Variants in USH2A observed in about 807,000 individuals in gnomAD.
USH2A encodes the protein usherin, also known as Usher syndrome 2A (autosomal recessive, mild).
Under a neutral mutation model 538.9 loss-of-function variants are expected in USH2A, and 443 were observed. The observed-to-expected ratio is 0.82, with a 90% CI of 0.76 to 0.89. USH2A has a LOEUF of 0.89. Ranked by LOEUF, USH2A falls within the 40% of genes least tolerant of loss-of-function variation. USH2A has a pLI of 0.00. For missense variants in USH2A, 6,633 were observed against 6,324.8 expected (o/e 1.05, Z -1.65); for synonymous variants, 2,413 against 2,273.5 (o/e 1.06, Z -1.75).
intron 43 of USH2A, among the ~76,000 whole-genome samples, chr1:215,870,241 TGTTAA>T (rs1325598506): frequency 6.6e-6 from 1 of 152,050 alleles, no homozygotes; most frequent in Non-Finnish European, 1.5e-5. Flanking sequence ...TAACTTTCAT[TGTTAA>T]GTTAAATTTT....
At chr1:216,240,518 C>A (rs1426794301) in intron 13 of USH2A, among the ~76,000 whole-genome samples, 1 of 139,288 alleles carries the variant, frequency 7.2e-6, no homozygotes, top group African/African-American at 2.7e-5. Context: ...ACTTCCAGGT[C>A]GTTAAAAAAA....
intron 11 of USH2A, among the ~76,000 whole-genome samples, chr1:216,252,415 A>G (rs1373908400): frequency 6.6e-6 from 1 of 152,220 alleles, no homozygotes; most frequent in East Asian, 1.9e-4. Flanking sequence ...CTACATGTGG[A>G]AAGATATTAT....
At chr1:216,339,616 G>T (rs566460977) in intron 4 of USH2A, among the ~76,000 whole-genome samples, 1 of 151,814 alleles carries the variant, frequency 6.6e-6, no homozygotes, top group Middle Eastern at 3.4e-3. Context: ...AAATGCAAAA[G>T]AACTGAAATT....
intron 60 of USH2A, among the ~76,000 whole-genome samples, chr1:215,732,237 T>C (rs1282557139): frequency 6.6e-6 from 1 of 152,202 alleles, no homozygotes; most frequent in South Asian, 2.1e-4. Context: ...AAGTTTTTGG[T>C]GTGAGTAGAG....
At chr1:216,038,423 T>C in intron 32 of USH2A, among the ~76,000 whole-genome samples, 1 of 151,988 alleles carries the variant, frequency 6.6e-6, no homozygotes, top group East Asian at 1.9e-4. Flanking sequence ...ATGAGTTTAT[T>C]TTGGTGGAAA....
intron 30 of USH2A, among the ~76,000 whole-genome samples, chr1:216,067,909 A>G (rs2031432588): frequency 1.3e-5 from 2 of 152,140 alleles, no homozygotes; most frequent in Admixed American, 1.3e-4. Context: ...AGGCTTCTGG[A>G]GCAAGCCAGA....
At position 215,878,747 on chromosome 1, in the gene USH2A, T is replaced by C. The variant is rs1664834621; in HGVS notation, c.8558+17A>G. On this transcript the variant is annotated intron_variant, in intron 42 of 71. Coordinates refer to ENST00000307340, the MANE Select transcript of USH2A (RefSeq NM_206933.4). ...AAGGACTACAGCAACATAAAAATCATAGTCACCTTCTCTTACCTCAAATTA... is the reference window on the plus strand; with the variant it reads ...AAGGACTACAGCAACATAAAAATCACAGTCACCTTCTCTTACCTCAAATTA... 1.9e-6 allele frequency: 3 copies of C among 1,612,360 alleles called. No individual in the cohort carries two copies. Among genetic ancestry groups the C allele is most frequent in the Admixed American group, 1.7e-5 (1 of 59,914 alleles).
At chr1:216,251,799 T>C (rs961744819) in intron 11 of USH2A, among the ~76,000 whole-genome samples, 7 of 152,276 alleles carry the variant, frequency 4.6e-5, no homozygotes, top group African/African-American at 1.7e-4. Flanking sequence ...GTTTTGTACA[T>C]GCTAGGTATT....
At chr1:215,977,572 T>C (rs1307321707) in intron 35 of USH2A, among the ~76,000 whole-genome samples, 1 of 152,142 alleles carries the variant, frequency 6.6e-6, no homozygotes, top group East Asian at 1.9e-4. Flanking sequence ...AGTGGCATGA[T>C]CTCGGCTCAC....
At chr1:215,964,569 C>T (rs1052169329) in intron 37 of USH2A, among the ~76,000 whole-genome samples, 3 of 152,092 alleles carry the variant, frequency 2.0e-5, no homozygotes, top group Non-Finnish European at 2.9e-5. Context: ...ACTGAATCCA[C>T]GATATTGCAT....
At chr1:216,008,801 T>C (rs1246589732) in intron 32 of USH2A, among the ~76,000 whole-genome samples, 1 of 152,146 alleles carries the variant, frequency 6.6e-6, no homozygotes, top group African/African-American at 2.4e-5. Context: ...TTAATTTCAA[T>C]TCCTTTCATT....
chr1:216,105,985 T>G (rs1169110831), intron 21 of USH2A, among the ~76,000 whole-genome samples: 1 of 151,586 alleles, frequency 6.6e-6, no homozygotes, highest in Non-Finnish European at 1.5e-5. Flanking sequence ...TTTTCAAAGA[T>G]TTTTTAAAGC....
intron 4 of USH2A, among the ~76,000 whole-genome samples, chr1:216,364,690 G>A (rs930370382): frequency 9.9e-5 from 15 of 152,106 alleles, no homozygotes; most frequent in Admixed American, 7.9e-4. Flanking sequence ...TAGCTACCAC[G>A]AAGAGAGACA....
At chr1:215,644,392 G>T (rs1656783182) in intron 67 of USH2A, among the ~76,000 whole-genome samples, 1 of 152,174 alleles carries the variant, frequency 6.6e-6, no homozygotes, top group Non-Finnish European at 1.5e-5. Flanking sequence ...GACCACTGGA[G>T]TTTGGCTTTT....
At chr1:215,964,615 C>T (rs1242756911) in intron 37 of USH2A, among the ~76,000 whole-genome samples, 2 of 152,148 alleles carry the variant, frequency 1.3e-5, no homozygotes, top group African/African-American at 4.8e-5. Context: ...GTTCAAACTT[C>T]CTCCTACAAA....
In USH2A at chr1:215,640,737, G is replaced by A. The variant is rs1656652366; in HGVS notation, c.14792-3C>T. ...AAATGGGGCTCGGTACTGAGGCACT[G>A]TGGGGAGAAAGTTGTATGTTCTAAA... On this transcript the variant is annotated splice_region_variant and splice_polypyrimidine_tract_variant and intron_variant, in intron 67 of 71. Transcript: ENST00000307340. The A allele has an allele frequency of 1.2e-6, 2 of 1,609,874 alleles. No individual in the cohort carries two copies. The highest frequency in any genetic ancestry group is 1.7e-6 in the Non-Finnish European group (2 of 1,178,104).
At chr1:216,365,810 A>G (rs975799827) in intron 3 of USH2A, among the ~76,000 whole-genome samples, 5 of 152,162 alleles carry the variant, frequency 3.3e-5, no homozygotes, top group Non-Finnish European at 7.4e-5. Context: ...TCCACAGACA[A>G]TATATAAACA....
chr1:216,173,539 A>C (rs2034312462), intron 21 of USH2A, among the ~76,000 whole-genome samples: 1 of 152,174 alleles, frequency 6.6e-6, no homozygotes, highest in African/African-American at 2.4e-5. Flanking sequence ...TATAGACAGA[A>C]GGATCCTGCT....
At chr1:216,310,632 A>G (rs2037403035) in intron 9 of USH2A, among the ~76,000 whole-genome samples, 1 of 152,140 alleles carries the variant, frequency 6.6e-6, no homozygotes, top group Non-Finnish European at 1.5e-5. Flanking sequence ...GAGAGCTACT[A>G]GTGAATTTTT....
Sources: allele counts gnomAD v4.1 joint callset (sites outside exome capture counted in the v4.1 genomes callset), GRCh38; gene constraint gnomAD v4.1.1; transcripts MANE v1.5; gene names NCBI Gene and HGNC (gene_info 2026-07-23, HGNC 2026-07-21).